LRP1B: variants seen among roughly 807,000 people sequenced by gnomAD.
LRP1B encodes the protein LDL receptor related protein 1B, also known as low-density lipoprotein receptor-related protein 1B.
A neutral mutation model predicts 556.6 loss-of-function variants in LRP1B; 217 were observed. The observed-to-expected ratio is 0.39, with a 90% confidence interval of 0.35 to 0.44. LRP1B has a LOEUF of 0.44. LRP1B is among the 20% of genes least tolerant of loss of function. The pLI is 1.00. For missense variants in LRP1B, 5,053 were observed against 5,620.8 expected (o/e 0.90, Z 3.23); for synonymous variants, 2,047 against 1,865.8 (o/e 1.10, Z -2.50).
intron 31 of LRP1B, among the ~76,000 whole-genome samples, chr2:140,821,416 G>T (rs1371096849): frequency 6.6e-6 from 1 of 152,144 alleles, no homozygotes; most frequent in Non-Finnish European, 1.5e-5. Flanking sequence ...CTTTTGAGAT[G>T]TGCAGTCTTA....
chr2:142,024,239 T>A (rs1290301724), intron 1 of LRP1B, among the ~76,000 whole-genome samples: 2 of 152,212 alleles, frequency 1.3e-5, no homozygotes, highest in East Asian at 3.8e-4. Context: ...TGTCTGTACA[T>A]CTGATCCAAC....
At chr2:140,781,013 C>T (rs1689679208) in intron 32 of LRP1B, among the ~76,000 whole-genome samples, 1 of 152,138 alleles carries the variant, frequency 6.6e-6, no homozygotes, top group Non-Finnish European at 1.5e-5. Flanking sequence ...AGTTCTGGAT[C>T]ATAGTTTTGG....
chr2:141,337,409 T>C (rs1687885847), intron 3 of LRP1B, among the ~76,000 whole-genome samples: 1 of 152,222 alleles, frequency 6.6e-6, no homozygotes, highest in Non-Finnish European at 1.5e-5. Flanking sequence ...TGATTTATTA[T>C]CTTACTGTTG....
chr2:140,562,761 C>G (rs796655900), intron 43 of LRP1B, among the ~76,000 whole-genome samples: 1 of 152,014 alleles, frequency 6.6e-6, no homozygotes, highest in Non-Finnish European at 1.5e-5. Context: ...GCTGGATTTA[C>G]AGGCATGCAC....
At chr2:141,111,268 G>T (rs1700743210) in intron 7 of LRP1B, among the ~76,000 whole-genome samples, 1 of 151,974 alleles carries the variant, frequency 6.6e-6, no homozygotes, top group Admixed American at 6.6e-5. Context: ...TACTGTGCCT[G>T]TACAAATAAA....
intron 84 of LRP1B, among the ~76,000 whole-genome samples, chr2:140,291,941 T>C (rs946406239): frequency 1.3e-5 from 2 of 152,174 alleles, no homozygotes; most frequent in African/African-American, 4.8e-5. Context: ...GTAAAAGTGT[T>C]CCTATTTCTC....
At chr2:141,376,655 T>C (rs1689449834) in intron 3 of LRP1B, among the ~76,000 whole-genome samples, 1 of 152,206 alleles carries the variant, frequency 6.6e-6, no homozygotes, top group Non-Finnish European at 1.5e-5. Context: ...TTCTAGATAT[T>C]TGAAGTCCAA....
At chr2:141,542,257 T>C (rs1366635152) in intron 2 of LRP1B, among the ~76,000 whole-genome samples, 1 of 152,010 alleles carries the variant, frequency 6.6e-6, no homozygotes, top group East Asian at 1.9e-4. Flanking sequence ...TTTCTAACTT[T>C]ATTTTTAAGA....
chr2:141,346,937 T>C (rs1047912911), intron 3 of LRP1B, among the ~76,000 whole-genome samples: 5 of 152,154 alleles, frequency 3.3e-5, no homozygotes, highest in African/African-American at 9.7e-5. Flanking sequence ...CTTGAAAACT[T>C]CCTTTAATGT....
intron 87 of LRP1B, among the ~76,000 whole-genome samples, chr2:140,241,507 A>G (rs563221021): frequency 1.3e-5 from 2 of 150,938 alleles, no homozygotes; most frequent in African/African-American, 4.8e-5. Flanking sequence ...TGACATTCCT[A>G]TGAGGTAGGA....
intron 51 of LRP1B, among the ~76,000 whole-genome samples, chr2:140,512,489 G>A (rs1191211829): frequency 2.0e-5 from 3 of 151,972 alleles, no homozygotes; most frequent in East Asian, 1.9e-4. Context: ...ACACCAACTC[G>A]GATAATAATA....
At chr2:140,864,148 C>T (rs565398738) in intron 27 of LRP1B, among the ~76,000 whole-genome samples, 124 of 151,752 alleles carry the variant, frequency 8.2e-4, no homozygotes, top group African/African-American at 2.9e-3. Context: ...ATTTTTCTCA[C>T]GGAAATGCAA....
intron 50 of LRP1B, among the ~76,000 whole-genome samples, chr2:140,515,626 A>G (rs993201108): frequency 1.3e-5 from 2 of 152,094 alleles, no homozygotes; most frequent in South Asian, 2.1e-4. Context: ...ATGCTTAATT[A>G]GATGACCTGT....
At chr2:141,764,927 T>C (rs1366911998) in intron 2 of LRP1B, among the ~76,000 whole-genome samples, 1 of 152,166 alleles carries the variant, frequency 6.6e-6, no homozygotes, top group Non-Finnish European at 1.5e-5. Flanking sequence ...GTTTTATCTA[T>C]AATATTATTT....
chr2:141,159,374 T>C (rs1035285764), intron 7 of LRP1B, among the ~76,000 whole-genome samples: 1 of 152,102 alleles, frequency 6.6e-6, no homozygotes, highest in African/African-American at 2.4e-5. Flanking sequence ...AGGAAAGTCA[T>C]TAATAAGTTT....
At chr2:142,015,696 A>G (rs1703098951) in intron 1 of LRP1B, among the ~76,000 whole-genome samples, 1 of 152,180 alleles carries the variant, frequency 6.6e-6, no homozygotes, top group Middle Eastern at 3.4e-3. Flanking sequence ...CAACCCCATC[A>G]AAAAGTGGGT....
intron 43 of LRP1B, among the ~76,000 whole-genome samples, chr2:140,585,531 C>A (rs16844281): frequency 0.14 from 21,166 of 152,020 alleles, 1,968 homozygotes; most frequent in African/African-American, 0.25. Flanking sequence ...TATCAAATGG[C>A]TGATCTTAGA....
chr2:141,913,516 C>T (rs184714421), intron 1 of LRP1B, among the ~76,000 whole-genome samples: 45 of 152,230 alleles, frequency 3.0e-4, no homozygotes, highest in African/African-American at 1.0e-3. Context: ...TACCCCATGA[C>T]AGAGAACAGA....
At chr2:141,072,327 G>A (rs533266257) in intron 7 of LRP1B, among the ~76,000 whole-genome samples, 11 of 151,916 alleles carry the variant, frequency 7.2e-5, no homozygotes, top group South Asian at 2.1e-4. Context: ...TTTTTATTTC[G>A]GTACCCAGGT....
Sources: allele counts gnomAD v4.1 joint callset (sites outside exome capture counted in the v4.1 genomes callset), GRCh38; gene constraint gnomAD v4.1.1; transcripts MANE v1.5; gene names NCBI Gene and HGNC (gene_info 2026-07-23, HGNC 2026-07-21).